The following PHF14 variants were observed in gnomAD, a reference collection of about 807,000 sequenced individuals.
The protein encoded by PHF14 is PHD finger protein 14.
A neutral mutation model predicts 117.9 loss-of-function variants in PHF14; 55 were observed. That is an observed-to-expected ratio of 0.47 (90% CI 0.38 to 0.58). The LOEUF is 0.58. PHF14 is among the 20% of genes least tolerant of loss of function. PHF14 has a pLI of 0.00. For missense variants in PHF14, 978 were observed against 1,122.2 expected (o/e 0.87, Z 1.84); for synonymous variants, 409 against 368.6 (o/e 1.11, Z -1.26).
chr7:11,004,901 C>A, intron 4 of PHF14, among the ~76,000 whole-genome samples: 1 of 151,916 alleles, frequency 6.6e-6, no homozygotes, highest in East Asian at 1.9e-4. Context: ...CCTGTAATCC[C>A]AGCTGGTTGG....
At chr7:11,114,769 A>C (rs531931212) in intron 17 of PHF14, among the ~76,000 whole-genome samples, 1 of 152,088 alleles carries the variant, frequency 6.6e-6, no homozygotes, top group Non-Finnish European at 1.5e-5. Flanking sequence ...ATACAAATAC[A>C]CAGAGACACA....
chr7:11,132,992 A>C (rs1193186599), intron 17 of PHF14, among the ~76,000 whole-genome samples: 1 of 151,916 alleles, frequency 6.6e-6, no homozygotes, highest in African/African-American at 2.4e-5. Context: ...TTAGGTATGA[A>C]TCTAACAAAA....
chr7:11,081,818 C>T (rs1359557406), intron 16 of PHF14, among the ~76,000 whole-genome samples: 1 of 150,248 alleles, frequency 6.7e-6, no homozygotes, highest in African/African-American at 2.5e-5. Context: ...ATCGCGCCAC[C>T]ACACTCCAGC....
intron 16 of PHF14, among the ~76,000 whole-genome samples, chr7:11,100,986 A>G (rs1324470957): frequency 2.0e-5 from 3 of 151,910 alleles, no homozygotes; most frequent in African/African-American, 7.2e-5. Flanking sequence ...CTTTGAAAAC[A>G]ATTTTTTCTA....
At chr7:10,991,164 C>G (rs934674835) in intron 4 of PHF14, among the ~76,000 whole-genome samples, 1 of 151,152 alleles carries the variant, frequency 6.6e-6, no homozygotes, top group African/African-American at 2.4e-5. Context: ...TTTTTGTGTT[C>G]TTTTTTATTT....
chr7:10,991,282 A>T (rs1026618612), intron 4 of PHF14, among the ~76,000 whole-genome samples: 5 of 152,026 alleles, frequency 3.3e-5, no homozygotes, highest in Non-Finnish European at 5.9e-5. Context: ...CTGGGTTCAA[A>T]CTATTCTGCC....
At chr7:11,075,669 A>G (rs1347778111) in intron 16 of PHF14, among the ~76,000 whole-genome samples, 1 of 149,640 alleles carries the variant, frequency 6.7e-6, no homozygotes, top group Non-Finnish European at 1.5e-5. Context: ...ACTGGAAGTC[A>G]CATTTCAACC....
chr7:11,001,524 G>T (rs892139323), intron 4 of PHF14, among the ~76,000 whole-genome samples: 1 of 152,064 alleles, frequency 6.6e-6, no homozygotes, highest in Admixed American at 6.6e-5. Flanking sequence ...TTTTATTCAT[G>T]AACATAATAA....
At chr7:11,046,510 G>GC (rs1784669070) in intron 13 of PHF14, among the ~76,000 whole-genome samples, 1 of 151,942 alleles carries the variant, frequency 6.6e-6, no homozygotes, top group East Asian at 1.9e-4. Context: ...TTTTTCCTTT[G>GC]TTTTTCTTGA....
intron 6 of PHF14, among the ~76,000 whole-genome samples, chr7:11,025,620 C>T (rs1216779039): frequency 1.3e-5 from 2 of 151,646 alleles, no homozygotes; most frequent in African/African-American, 4.9e-5. Flanking sequence ...GGTGAAACCC[C>T]GTCTCTCCTA....
At chr7:10,977,608 G>A (rs1295700304) in intron 2 of PHF14, among the ~76,000 whole-genome samples, 1 of 152,000 alleles carries the variant, frequency 6.6e-6, no homozygotes, top group Non-Finnish European at 1.5e-5. Context: ...TGAAACTGAA[G>A]ATAGTTTATA....
chr7:11,106,675 G>A, intron 16 of PHF14: 1 of 984,002 alleles, frequency 1.0e-6, no homozygotes, highest in Non-Finnish European at 1.2e-6. Context: ...TAATAGATTT[G>A]CGTAGATGTT....
At chr7:11,050,721 T>C (rs1784828527) in intron 13 of PHF14, among the ~76,000 whole-genome samples, 4 of 152,194 alleles carry the variant, frequency 2.6e-5, no homozygotes, top group Non-Finnish European at 5.9e-5. Flanking sequence ...AGTTTTAGTT[T>C]CAATTAATTT....
At chr7:11,049,403 A>T (rs1434186090) in intron 13 of PHF14, among the ~76,000 whole-genome samples, 1 of 150,962 alleles carries the variant, frequency 6.6e-6, no homozygotes, top group Non-Finnish European at 1.5e-5. Flanking sequence ...TGAATGGGGA[A>T]GGTGGAGGTT....
chr7:11,023,097 A>C (rs1372548610), intron 6 of PHF14, 118 bp downstream of exon 6: 1 of 521,710 alleles, frequency 1.9e-6, no homozygotes, highest in African/African-American at 1.9e-5. Context: ...CATTCTATTT[A>C]GCACTAAATC....
intron 16 of PHF14, among the ~76,000 whole-genome samples, chr7:11,082,973 C>T (rs920218185): frequency 1.4e-4 from 22 of 152,196 alleles, no homozygotes; most frequent in African/African-American, 3.9e-4. Flanking sequence ...TACCAGCTCA[C>T]ATTCCTTTCC....
At chr7:11,054,877 C>A (rs1365912149) in intron 14 of PHF14, among the ~76,000 whole-genome samples, 1 of 151,934 alleles carries the variant, frequency 6.6e-6, no homozygotes, top group Non-Finnish European at 1.5e-5. Context: ...ATTTTTCCTG[C>A]CATAAATTGA....
At chr7:11,054,703 C>T (rs916510796) in intron 14 of PHF14, among the ~76,000 whole-genome samples, 1 of 151,990 alleles carries the variant, frequency 6.6e-6, no homozygotes, top group Non-Finnish European at 1.5e-5. Flanking sequence ...TGTATAAATA[C>T]CTTTTGCAAT....
chr7:10,999,361 T>C (rs986130672), intron 4 of PHF14, among the ~76,000 whole-genome samples: 1 of 152,172 alleles, frequency 6.6e-6, no homozygotes, highest in Non-Finnish European at 1.5e-5. Flanking sequence ...GAGGGTACTG[T>C]CTCTTGTTGC....
Sources: allele counts gnomAD v4.1 joint callset (sites outside exome capture counted in the v4.1 genomes callset), GRCh38; gene constraint gnomAD v4.1.1; transcripts MANE v1.5; gene names NCBI Gene and HGNC (gene_info 2026-07-23, HGNC 2026-07-21).